The following TUBGCP3 variants were observed in gnomAD, a reference collection of about 807,000 sequenced individuals.
TUBGCP3 encodes the protein gamma-tubulin complex component 3.
In TUBGCP3, 50 loss-of-function variants were observed where a neutral mutation model predicts 123.1. The observed-to-expected ratio is 0.41, with a 90% CI of 0.32 to 0.51. TUBGCP3 has a LOEUF of 0.51. TUBGCP3 is among the 20% of genes least tolerant of loss of function. TUBGCP3 has a pLI of 0.36. For missense variants in TUBGCP3, 882 were observed against 1,127.0 expected (o/e 0.78, Z 3.11); for synonymous variants, 405 against 413.9 (o/e 0.98, Z 0.26).
At chr13:112,495,855 G>C (rs760476168) in intron 20 of TUBGCP3, among the ~76,000 whole-genome samples, 1 of 152,194 alleles carries the variant, frequency 6.6e-6, no homozygotes, top group Admixed American at 6.5e-5. Flanking sequence ...GTTGGTGGGA[G>C]AGCCTTACGG....
At chr13:112,541,976 T>G (rs1167248165) in intron 11 of TUBGCP3, among the ~76,000 whole-genome samples, 3 of 152,244 alleles carry the variant, frequency 2.0e-5, no homozygotes, top group African/African-American at 7.2e-5. Flanking sequence ...AAATATCATC[T>G]TTTACTTCTG....
chr13:112,542,096 A>G (rs1878569221), intron 11 of TUBGCP3, among the ~76,000 whole-genome samples: 1 of 152,222 alleles, frequency 6.6e-6, no homozygotes, highest in East Asian at 1.9e-4. Flanking sequence ...TTTCTCATAA[A>G]TCTACACCAC....
chr13:112,558,378 T>G lies in TUBGCP3; in HGVS notation c.366A>C (p.Leu122Phe), dbSNP rs1880230362. The G allele has an allele frequency of 6.2e-7, 1 of 1,601,730 alleles. No individual in the cohort carries two copies. The highest frequency in any genetic ancestry group is 8.5e-7 in the Non-Finnish European group (1 of 1,170,054). ...SSYATLFAQA[L>F]PRDAHSTPYY... ...AAGGGGTTGAGTGGGCATCTCTTGG[T>G]AAGGCCTGAGCAAATAACGTAGCAT... Residue 122 changes from leucine (L) to phenylalanine (F), a missense_variant, in exon 5 of 22, where the codon TTA becomes TTC. Leu to Phe is a conservative substitution (Grantham distance 22). This residue lies in a region of TUBGCP3 where 713 missense variants were observed against 874.0 expected (regional missense o/e 0.82). Transcript: ENST00000261965.
chr13:112,586,396 T>C (rs1882611794), intron 1 of TUBGCP3, among the ~76,000 whole-genome samples: 1 of 152,086 alleles, frequency 6.6e-6, no homozygotes, highest in Non-Finnish European at 1.5e-5. Context: ...ACACTGACAT[T>C]AAGGTGGGTA....
chr13:112,547,809 T>C (rs1879192226), intron 9 of TUBGCP3, 57 bp from the exon 10 acceptor site: 1 of 1,370,192 alleles, frequency 7.3e-7, no homozygotes, highest in Non-Finnish European at 9.5e-7. Flanking sequence ...AGATCACACT[T>C]CTTAATCTAT....
chr13:112,558,163 A>G, intron 5 of TUBGCP3, 33 bp downstream of exon 5: 1 of 1,580,212 alleles, frequency 6.3e-7, no homozygotes, highest in Non-Finnish European at 8.6e-7. Flanking sequence ...TTTCTAACAC[A>G]TAGAGAATCT....
At chr13:112,502,006 CACA>C (rs1880938817) in intron 19 of TUBGCP3, among the ~76,000 whole-genome samples, 1 of 152,142 alleles carries the variant, frequency 6.6e-6, no homozygotes. Flanking sequence ...ACTTATTTGC[CACA>C]ACTGGACTGA....
intron 11 of TUBGCP3, 121 bp from the exon 12 acceptor site, chr13:112,527,605 A>C: frequency 1.6e-6 from 1 of 639,972 alleles, no homozygotes. Context: ...AGGGAGTCTT[A>C]CCTATTTATA....
chr13:112,504,261 GC>G, intron 18 of TUBGCP3, 98 bp from the exon 19 acceptor site: 1 of 1,473,472 alleles, frequency 6.8e-7, no homozygotes, highest in Admixed American at 1.8e-5. Context: ...GCCGAGGCGG[GC>G]AGATCACCTG....
At chr13:112,510,395 ATGTATTTAAAAGTGACCTTAC>A (rs1298734686) in intron 17 of TUBGCP3, among the ~76,000 whole-genome samples, 10 of 152,324 alleles carry the variant, frequency 6.6e-5, no homozygotes, top group South Asian at 2.1e-4. Context: ...ACCCGTATTT[ATGTATTTAAAAGTGACCTTAC>A]TGTATTTAAA....
intron 1 of TUBGCP3, among the ~76,000 whole-genome samples, chr13:112,574,689 G>C (rs184254862): frequency 6.6e-6 from 1 of 152,272 alleles, no homozygotes; most frequent in African/African-American, 2.4e-5. Context: ...GTAAAACTCT[G>C]GCAAAAATAC....
At chr13:112,505,572 A>C (rs1019137528) in intron 17 of TUBGCP3, among the ~76,000 whole-genome samples, 4 of 152,238 alleles carry the variant, frequency 2.6e-5, no homozygotes, top group Admixed American at 1.3e-4. Context: ...AACAGTGGCA[A>C]TGCATACTTT....
At position 112,527,620 on chromosome 13, in the gene TUBGCP3, A is replaced by G. The variant is rs1188732652; in HGVS notation, c.1336-136T>C. 5 of 614,494 alleles carry G rather than the reference A, an allele frequency of 8.1e-6. No individual in the cohort carries two copies. The African/African-American group carries it at 9.5e-5, about 12-fold the overall frequency. 38.1% of individuals were successfully genotyped at this position (614,494 alleles called of 1,614,324 possible). On this transcript the variant is annotated intron_variant, in intron 11 of 21. Transcript: ENST00000261965. ...AGGGAGTCTTACCTATTTATACAAT[A>G]AAACTTGTATGAAACACAGAAATCT...
At chr13:112,598,794 AT>A in the TUBGCP3 span, among the ~76,000 whole-genome samples, 2 of 152,172 alleles carry the variant, frequency 1.3e-5, no homozygotes, top group South Asian at 4.2e-4. Flanking sequence ...AATACAAAAA[AT>A]TAGCCGGGCA....
At chr13:112,523,524 G>A (rs943822566) in intron 13 of TUBGCP3, among the ~76,000 whole-genome samples, 3 of 152,204 alleles carry the variant, frequency 2.0e-5, no homozygotes, top group Admixed American at 2.0e-4. Flanking sequence ...CTGGAGTCAC[G>A]ACACCACGGA....
intron 8 of TUBGCP3, among the ~76,000 whole-genome samples, chr13:112,548,905 A>T (rs1484715851): frequency 6.6e-6 from 1 of 152,222 alleles, no homozygotes; most frequent in Non-Finnish European, 1.5e-5. Context: ...AACTAGTTCA[A>T]CCATTGTGGA....
chr13:112,486,189 A>G (rs1342334630), intron 21 of TUBGCP3, 38 bp from the exon 22 acceptor site: 2 of 1,608,998 alleles, frequency 1.2e-6, no homozygotes, highest in Non-Finnish European at 1.7e-6. Flanking sequence ...TTGTTTCAGA[A>G]AAGAACAACC....
At chr13:112,575,023 A>G (rs895552684) in intron 1 of TUBGCP3, among the ~76,000 whole-genome samples, 1 of 152,198 alleles carries the variant, frequency 6.6e-6, no homozygotes, top group Non-Finnish European at 1.5e-5. Flanking sequence ...GCACCCCCGC[A>G]GTGGGCTGCC....
intron 19 of TUBGCP3, among the ~76,000 whole-genome samples, chr13:112,499,866 T>C (rs991601815): frequency 3.3e-5 from 5 of 152,154 alleles, no homozygotes; most frequent in African/African-American, 1.2e-4. Context: ...TATTGTGGCA[T>C]GGAAGGACAC....
Sources: gnomAD v4.1 joint callset for allele counts (sites outside exome capture counted in the v4.1 genomes callset) on GRCh38, gnomAD v4.1.1 for gene constraint, gnomAD v4.1.1 regional missense constraint, MANE v1.5 for transcripts, NCBI Gene and HGNC (gene_info 2026-07-23, HGNC 2026-07-21) for gene names.